DSCAM: variants seen among roughly 807,000 people sequenced by gnomAD.
The protein encoded by DSCAM is DS cell adhesion molecule.
In DSCAM, 47 loss-of-function variants were observed where a neutral mutation model predicts 217.7. That is an observed-to-expected ratio of 0.22 (90% confidence interval 0.17 to 0.28). The LOEUF is 0.28. Among genes scored for constraint, DSCAM ranks in the 10% least tolerant of loss-of-function variants. DSCAM has a pLI of 1.00. For missense variants in DSCAM, 2,080 were observed against 2,618.3 expected, an observed-to-expected ratio of 0.79 and a Z score of 4.49; for synonymous variants, 1,056 against 1,015.3, an observed-to-expected ratio of 1.04 and a Z score of -0.76.
intron 11 of DSCAM, among the ~76,000 whole-genome samples, chr21:40,245,376 T>C (rs2073209937): frequency 6.6e-6 from 1 of 152,152 alleles, no homozygotes; most frequent in Admixed American, 6.5e-5. Flanking sequence ...GTTTCATGTT[T>C]TCAGGATTTA....
intron 3 of DSCAM, among the ~76,000 whole-genome samples, chr21:40,492,710 G>A (rs1241054995): frequency 1.3e-5 from 2 of 151,268 alleles, no homozygotes; most frequent in African/African-American, 4.9e-5. Context: ...GAGAAAATTT[G>A]AAGAAAGTAT....
chr21:40,399,444 C>T (rs2075213676), intron 3 of DSCAM, among the ~76,000 whole-genome samples: 1 of 152,182 alleles, frequency 6.6e-6, no homozygotes, highest in East Asian at 1.9e-4. Context: ...TTTAGGAAAT[C>T]CACCTACTTA....
At chr21:40,714,946 ATTATCAC>A (rs2090825772) in intron 1 of DSCAM, among the ~76,000 whole-genome samples, 11 of 152,196 alleles carry the variant, frequency 7.2e-5, no homozygotes, top group Non-Finnish European at 1.5e-5. Flanking sequence ...GATTATTGTC[ATTATCAC>A]AGGAGTGAGC....
chr21:40,469,456 A>G (rs1176556810), intron 3 of DSCAM, among the ~76,000 whole-genome samples: 5 of 152,186 alleles, frequency 3.3e-5, no homozygotes, highest in African/African-American at 9.6e-5. Context: ...TCTCTGCTGG[A>G]AAAACAAAAT....
intron 3 of DSCAM, among the ~76,000 whole-genome samples, chr21:40,518,615 CAT>C (rs1270494939): frequency 3.0e-4 from 35 of 116,586 alleles, no homozygotes; most frequent in African/African-American, 8.4e-4. Flanking sequence ...CATACACACA[CAT>C]ATATATACAT....
At chr21:40,541,182 TATTAG>T (rs1472664667) in intron 3 of DSCAM, among the ~76,000 whole-genome samples, 1 of 152,204 alleles carries the variant, frequency 6.6e-6, no homozygotes, top group East Asian at 1.9e-4. Context: ...GTTTTCTGCA[TATTAG>T]ATAACATAAA....
chr21:40,784,182 T>G (rs1246708562), intron 1 of DSCAM, among the ~76,000 whole-genome samples: 1 of 152,142 alleles, frequency 6.6e-6, no homozygotes, highest in Non-Finnish European at 1.5e-5. Context: ...CACCTTGAAT[T>G]GTAATAATCC....
At chr21:40,821,093 G>GAGATATATATATCTTCACATATAT (rs2091921957) in intron 1 of DSCAM, among the ~76,000 whole-genome samples, 2 of 129,318 alleles carry the variant, frequency 1.5e-5, no homozygotes, top group African/African-American at 3.0e-5. Flanking sequence ...CATATATAGA[G>GAGATATATATATCTTCACATATAT]AGATATATAT....
At chr21:40,679,492 C>A (rs7280977) in intron 3 of DSCAM, among the ~76,000 whole-genome samples, 8 of 152,038 alleles carry the variant, frequency 5.3e-5, no homozygotes, top group Non-Finnish European at 7.4e-5. Context: ...GTGGGGCCGA[C>A]AAAAGCAATT....
intron 1 of DSCAM, among the ~76,000 whole-genome samples, chr21:40,746,765 A>G (rs1290452260): frequency 6.6e-6 from 1 of 151,966 alleles, no homozygotes; most frequent in Non-Finnish European, 1.5e-5. Flanking sequence ...GATTCAGAAT[A>G]CACATTTTTC....
At chr21:40,579,666 A>C (rs4528852) in intron 3 of DSCAM, among the ~76,000 whole-genome samples, 3,313 of 152,346 alleles carry the variant, frequency 0.022, 123 homozygotes, top group East Asian at 0.12. Context: ...GATTACTGAC[A>C]AAGTTAAGAT....
rs1394476355 is a variant in DSCAM at position 40,025,266 on chromosome 21, G to A, written c.5687-11880C>T. On this transcript the variant is annotated intron_variant, in intron 32 of 32. Coordinates refer to ENST00000400454, the MANE Select transcript of DSCAM (RefSeq NM_001389.5). ...AGCTTTTTGATGTGCTGCTGGATTC[G>A]GTCTGCCAGTATTTTATTGAGGATT... is the stretch of plus-strand genomic sequence containing the variant. Among the ~76,000 whole-genome samples, 1,025 of 103,330 alleles carry A rather than the reference G, an allele frequency of 9.9e-3. 27 individuals are homozygous for A. Among genetic ancestry groups the A allele is most frequent in the African/African-American group, 0.038 (982 of 25,982 alleles). The allele number at this position is 103,330 out of a possible 152,430, so 67.8% of individuals were successfully genotyped here. A position where few individuals can be genotyped will look rare whatever the true frequency, so the allele number is the denominator to read the frequency against.
At chr21:40,159,355 G>T (rs1325972597) in intron 16 of DSCAM, among the ~76,000 whole-genome samples, 1 of 152,190 alleles carries the variant, frequency 6.6e-6, no homozygotes, top group Non-Finnish European at 1.5e-5. Context: ...AAGGACTGCT[G>T]TCTGAGGAAA....
At chr21:40,695,056 GT>G (rs2090581436) in intron 2 of DSCAM, among the ~76,000 whole-genome samples, 1 of 152,128 alleles carries the variant, frequency 6.6e-6, no homozygotes, top group African/African-American at 2.4e-5. Flanking sequence ...TCCTTTGTCT[GT>G]GTGATGCTTG....
chr21:40,435,837 A>G (rs1343221187), intron 3 of DSCAM, among the ~76,000 whole-genome samples: 1 of 152,196 alleles, frequency 6.6e-6, no homozygotes, highest in African/African-American at 2.4e-5. Flanking sequence ...TACCCATTCA[A>G]TAGAAACCAT....
At position 40,262,909 on chromosome 21, in the gene DSCAM, C is replaced by A. The variant is rs2073473171; in HGVS notation, c.2356+13188G>T. 1.3e-5 allele frequency among the ~76,000 whole-genome samples: 2 copies of A among 152,196 alleles called. 1 individual carries two copies. Among genetic ancestry groups the A allele is most frequent in the South Asian group, 4.1e-4 (2 of 4,828 alleles). ...GCTCCTGTTGAAACTAATGTGCATG[C>A]ACCTTGGAGCTTTCTTGCCATTGGC... On this transcript the variant is annotated intron_variant, in intron 11 of 32. Transcript: ENST00000400454.
chr21:40,057,683 A>G (rs2089047669), intron 28 of DSCAM, among the ~76,000 whole-genome samples: 1 of 152,178 alleles, frequency 6.6e-6, no homozygotes, highest in Non-Finnish European at 1.5e-5. Context: ...GGCTGGCACC[A>G]AGATTTAGAA....
At chr21:40,120,687 T>C (rs1321140852) in intron 20 of DSCAM, among the ~76,000 whole-genome samples, 3 of 152,192 alleles carry the variant, frequency 2.0e-5, no homozygotes, top group African/African-American at 7.2e-5. Context: ...AATATCTCAT[T>C]GCACTGTTGG....
intron 3 of DSCAM, among the ~76,000 whole-genome samples, chr21:40,485,457 T>G (rs932622269): frequency 6.6e-6 from 1 of 151,728 alleles, no homozygotes; most frequent in Admixed American, 6.6e-5. Context: ...TTAGCCAGGA[T>G]GGTCTCCATC....
Sources: allele counts gnomAD v4.1 joint callset (sites outside exome capture counted in the v4.1 genomes callset), GRCh38; gene constraint gnomAD v4.1.1; transcripts MANE v1.5; gene names NCBI Gene and HGNC (gene_info 2026-07-23, HGNC 2026-07-21).